CNTN5: variants seen among roughly 807,000 people sequenced by gnomAD.
CNTN5 encodes the protein contactin 5, also known as contactin-5.
In CNTN5, 77 loss-of-function variants were observed where a neutral mutation model predicts 129.1. The ratio of observed to expected loss-of-function variants is 0.60; its 90% CI spans 0.50 to 0.72. The LOEUF is 0.72. Among genes scored for constraint, CNTN5 ranks in the 30% least tolerant of loss-of-function variants. CNTN5 has a pLI of 0.00. For synonymous variants in CNTN5, 509 were observed against 465.6 expected, an observed-to-expected ratio of 1.09 and a Z score of -1.20; for missense variants, 1,478 against 1,328.8, an observed-to-expected ratio of 1.11 and a Z score of -1.75.
intron 1 of CNTN5, among the ~76,000 whole-genome samples, chr11:99,279,649 A>G (rs1273121328): frequency 6.6e-6 from 1 of 151,516 alleles, no homozygotes; most frequent in Non-Finnish European, 1.5e-5. Flanking sequence ...GTATTTTTAT[A>G]CTTCAGTAAA....
intron 1 of CNTN5, among the ~76,000 whole-genome samples, chr11:99,078,225 A>G (rs1295789697): frequency 6.6e-6 from 1 of 152,194 alleles, no homozygotes; most frequent in African/African-American, 2.4e-5. Context: ...TGTGTGGGAA[A>G]GGAAATTAGT....
At chr11:99,803,508 A>G (rs960139103) in intron 3 of CNTN5, among the ~76,000 whole-genome samples, 1 of 152,196 alleles carries the variant, frequency 6.6e-6, no homozygotes, top group Non-Finnish European at 1.5e-5. Context: ...CTGACTTTGT[A>G]TGTGCCCAGA....
intron 2 of CNTN5, among the ~76,000 whole-genome samples, chr11:99,446,109 A>G (rs980929203): frequency 6.6e-6 from 1 of 150,898 alleles, no homozygotes; most frequent in African/African-American, 2.4e-5. Flanking sequence ...AAACAACCAA[A>G]CTTCCTTGGA....
chr11:99,165,942 A>T (rs1860845215), intron 1 of CNTN5, among the ~76,000 whole-genome samples: 1 of 152,204 alleles, frequency 6.6e-6, no homozygotes, highest in Non-Finnish European at 1.5e-5. Flanking sequence ...ATTAATATTC[A>T]GCATAATCCA....
intron 1 of CNTN5, among the ~76,000 whole-genome samples, chr11:99,091,350 C>T (rs1866241312): frequency 6.6e-6 from 1 of 152,126 alleles, no homozygotes; most frequent in African/African-American, 2.4e-5. Context: ...GAAAACAGAA[C>T]AAATGTGAAA....
intron 3 of CNTN5, among the ~76,000 whole-genome samples, chr11:99,594,707 C>G (rs186418733): frequency 4.6e-5 from 7 of 152,268 alleles, no homozygotes; most frequent in African/African-American, 1.7e-4. Flanking sequence ...AGGTGGTTAA[C>G]GATGGTTTGC....
At chr11:99,596,883 T>C (rs1359373895) in intron 3 of CNTN5, among the ~76,000 whole-genome samples, 2 of 152,184 alleles carry the variant, frequency 1.3e-5, no homozygotes, top group South Asian at 2.1e-4. Context: ...TAGGCATACA[T>C]ATAAAACTAA....
intron 24 of CNTN5, among the ~76,000 whole-genome samples, chr11:100,353,428 C>G (rs958397956): frequency 1.7e-4 from 26 of 151,496 alleles, no homozygotes; most frequent in Admixed American, 5.3e-4. Flanking sequence ...GGTTGTTTTG[C>G]TGTATGAAAG....
chr11:99,753,212 T>C (rs1944293741), intron 3 of CNTN5, among the ~76,000 whole-genome samples: 1 of 143,700 alleles, frequency 7.0e-6, no homozygotes, highest in South Asian at 2.4e-4. Context: ...AAGCGCTGCC[T>C]TCCGTGTTCA....
At chr11:99,242,558 G>A (rs1008961134) in intron 1 of CNTN5, among the ~76,000 whole-genome samples, 1 of 151,892 alleles carries the variant, frequency 6.6e-6, no homozygotes, top group Non-Finnish European at 1.5e-5. Flanking sequence ...ATGTCGCTGA[G>A]GTTTGAGATA....
chr11:99,779,196 G>C (rs1024842073), intron 3 of CNTN5, among the ~76,000 whole-genome samples: 3 of 151,782 alleles, frequency 2.0e-5, no homozygotes, highest in Non-Finnish European at 4.4e-5. Context: ...TTCTAAATTT[G>C]TAGAAATTTT....
chr11:99,253,897 T>TTATATATATATATATATATA (rs67720359), intron 1 of CNTN5, among the ~76,000 whole-genome samples: 166 of 138,980 alleles, frequency 1.2e-3, no homozygotes, highest in African/African-American at 4.1e-3. Flanking sequence ...AAATATACGT[T>TTATATATATATATATATATA]TATATATATA....
At chr11:99,882,878 C>T (rs1565635763) in intron 6 of CNTN5, among the ~76,000 whole-genome samples, 1 of 152,070 alleles carries the variant, frequency 6.6e-6, no homozygotes, top group Non-Finnish European at 1.5e-5. Flanking sequence ...ACCTCCATTC[C>T]CAGCATCTGG....
intron 2 of CNTN5, among the ~76,000 whole-genome samples, chr11:99,345,802 T>C (rs1682242408): frequency 6.6e-6 from 1 of 152,220 alleles, no homozygotes; most frequent in Non-Finnish European, 1.5e-5. Context: ...AAATATGCCT[T>C]TCATTTTGTA....
At chr11:99,512,209 A>G (rs554910905) in intron 2 of CNTN5, among the ~76,000 whole-genome samples, 2 of 152,206 alleles carry the variant, frequency 1.3e-5, no homozygotes, top group East Asian at 3.9e-4. Flanking sequence ...TTCATACCAC[A>G]TTTTGCTATA....
chr11:100,168,990 G>A (rs1947742198), intron 13 of CNTN5, among the ~76,000 whole-genome samples: 1 of 151,890 alleles, frequency 6.6e-6, no homozygotes, highest in African/African-American at 2.4e-5. Context: ...AGATGTGTTA[G>A]GAAAGAGCAA....
At chr11:100,000,465 T>C (rs1041576090) in intron 8 of CNTN5, among the ~76,000 whole-genome samples, 5 of 152,214 alleles carry the variant, frequency 3.3e-5, no homozygotes, top group Admixed American at 3.3e-4. Flanking sequence ...TCCCAAGGAC[T>C]TGGGCAGCTC....
intron 3 of CNTN5, among the ~76,000 whole-genome samples, chr11:99,640,640 T>G (rs1951735885): frequency 6.6e-6 from 1 of 152,214 alleles, no homozygotes; most frequent in Non-Finnish European, 1.5e-5. Flanking sequence ...TAATTACCAT[T>G]GTGTTATAAT....
intron 13 of CNTN5, among the ~76,000 whole-genome samples, chr11:100,184,856 C>T (rs1027869491): frequency 6.6e-6 from 1 of 152,054 alleles, no homozygotes; most frequent in Admixed American, 6.6e-5. Context: ...CCACCTAAAT[C>T]TCATCTACAT....
Sources: allele counts gnomAD v4.1 joint callset (sites outside exome capture counted in the v4.1 genomes callset), GRCh38; gene constraint gnomAD v4.1.1; transcripts MANE v1.5; gene names NCBI Gene and HGNC (gene_info 2026-07-23, HGNC 2026-07-21).